ADAMTS2: variants seen among roughly 807,000 people sequenced by gnomAD.
ADAMTS2 encodes ADAM metallopeptidase with thrombospondin type 1 motif 2.
A neutral mutation model predicts 123.0 loss-of-function variants in ADAMTS2; 50 were observed. That is an observed-to-expected ratio of 0.41 (90% CI 0.32 to 0.51). ADAMTS2 has a LOEUF of 0.51. Ranked by LOEUF, ADAMTS2 falls within the 20% of genes least tolerant of loss-of-function variation. The pLI, the probability that ADAMTS2 is intolerant of heterozygous loss-of-function variation, is 0.35. For synonymous variants in ADAMTS2, 678 were observed against 695.4 expected, an observed-to-expected ratio of 0.98 and a Z score of 0.39; for missense variants, 1,494 against 1,705.2, an observed-to-expected ratio of 0.88 and a Z score of 2.18.
chr5:179,210,537 C>T (rs918638239), intron 3 of ADAMTS2, among the ~76,000 whole-genome samples: 1 of 152,254 alleles, frequency 6.6e-6, no homozygotes, highest in African/African-American at 2.4e-5. Context: ...CATCCCTCCA[C>T]CCAGGACCAG....
intron 4 of ADAMTS2, among the ~76,000 whole-genome samples, chr5:179,184,621 C>G (rs189430451): frequency 6.6e-6 from 1 of 152,116 alleles, no homozygotes; most frequent in Non-Finnish European, 1.5e-5. Context: ...AGCACAGCCA[C>G]GGGCCCCTCA....
At chr5:179,287,163 C>G (rs1193846710) in intron 2 of ADAMTS2, among the ~76,000 whole-genome samples, 1 of 152,120 alleles carries the variant, frequency 6.6e-6, no homozygotes, top group Non-Finnish European at 1.5e-5. Context: ...TGGGGAGCCA[C>G]TCTGGACAGG....
At chr5:179,160,365 C>T (rs1204559425) in intron 5 of ADAMTS2, among the ~76,000 whole-genome samples, 2 of 152,138 alleles carry the variant, frequency 1.3e-5, no homozygotes, top group Non-Finnish European at 1.5e-5. Flanking sequence ...GAAGGAGAAT[C>T]GCTTGAACCC....
chr5:179,208,163 G>A (rs1407181044), intron 3 of ADAMTS2, among the ~76,000 whole-genome samples: 13 of 151,238 alleles, frequency 8.6e-5, no homozygotes, highest in East Asian at 3.9e-4. Flanking sequence ...CACACTGCCC[G>A]ATGCTGGAGT....
intron 2 of ADAMTS2, among the ~76,000 whole-genome samples, chr5:179,320,488 T>G (rs1032061701): frequency 2.6e-5 from 4 of 151,696 alleles, no homozygotes; most frequent in Non-Finnish European, 1.5e-5. Flanking sequence ...TTTTTTTTTT[T>G]TTTGTATTTT....
chr5:179,332,687 A>G lies in ADAMTS2; in HGVS notation c.534+11080T>C, dbSNP rs1353831038. Among the ~76,000 whole-genome samples the G allele has an allele frequency of 8.3e-6, 1 of 120,350 alleles. No individual in the cohort carries two copies. The highest frequency in any genetic ancestry group is 9.8e-5 in the Admixed American group (1 of 10,190). 79.0% of individuals were successfully genotyped at this position (120,350 alleles called of 152,430 possible). Reference sequence around the variant, plus strand: ...TGGCCAGTGGCCAGCCATCGTGCAGAGAGGGGAGGGCAGAGGGGAGGGAGG... The same window carrying G: ...TGGCCAGTGGCCAGCCATCGTGCAGGGAGGGGAGGGCAGAGGGGAGGGAGG... On this transcript the variant is annotated intron_variant, in intron 2 of 21. Coordinates refer to ENST00000251582, the MANE Select transcript of ADAMTS2 (RefSeq NM_014244.5). This position sits in a 1 kb window ranked among gnomAD's most constrained non-coding sequence, Gnocchi z 4.2.
At chr5:179,295,947 C>A (rs1756318317) in intron 2 of ADAMTS2, among the ~76,000 whole-genome samples, 1 of 152,224 alleles carries the variant, frequency 6.6e-6, no homozygotes, top group African/African-American at 2.4e-5. Flanking sequence ...AGGGAAGGCT[C>A]CTCCAACCCA....
At chr5:179,268,107 T>C (rs1766423221) in intron 3 of ADAMTS2, among the ~76,000 whole-genome samples, 1 of 151,900 alleles carries the variant, frequency 6.6e-6, no homozygotes, top group Admixed American at 6.6e-5. Context: ...AAGTCTGATG[T>C]CTGGATTTTC....
rs201309115 is a variant in ADAMTS2 at position 179,275,729 on chromosome 5, C to T, written c.535-2665G>A. Among the ~76,000 whole-genome samples the T allele has an allele frequency of 2.1e-4, 32 of 152,340 alleles. No homozygotes were observed. In the East Asian group the frequency reaches 4.5e-3, roughly 21 times the overall value. On this transcript the variant is annotated intron_variant, in intron 2 of 21. Transcript: ENST00000251582. ...CCTCCCCCAGAGTCTCCAGAGGGAGCGCAGCCCTGCCGATGCCTGGATTTG... is the reference window on the plus strand; with the variant it reads ...CCTCCCCCAGAGTCTCCAGAGGGAGTGCAGCCCTGCCGATGCCTGGATTTG...
intron 2 of ADAMTS2, among the ~76,000 whole-genome samples, chr5:179,319,357 A>G (rs986665623): frequency 2.6e-5 from 4 of 152,180 alleles, no homozygotes; most frequent in Admixed American, 1.3e-4. Context: ...CATCGGTCAT[A>G]CATGTGTATC....
At chr5:179,121,395 C>T (rs1762758776) in intron 21 of ADAMTS2, 1 of 292,296 alleles carries the variant, frequency 3.4e-6, no homozygotes, top group East Asian at 5.4e-5. Context: ...CCGGCCCCTC[C>T]TGCAACCACG....
Position 179,155,959 on chromosome 5 carries a change from T to G in ADAMTS2, c.1133-1040A>C, listed in dbSNP as rs948114886. Among the ~76,000 whole-genome samples the G allele has an allele frequency of 6.6e-5, 10 of 152,302 alleles. No individual in the cohort carries two copies. The highest frequency in any genetic ancestry group is 6.5e-4 in the Admixed American group (10 of 15,300). On this transcript the variant is annotated intron_variant, in intron 6 of 21. Coordinates refer to ENST00000251582, the MANE Select transcript of ADAMTS2 (RefSeq NM_014244.5). This position sits in a 1 kb window ranked among gnomAD's most constrained non-coding sequence, Gnocchi z 5.1. ...GCCTAAAAATAGAAGCATCGTGATCTAACCCTTGTCTTTTCCCGTTGTAAT... is the reference window on the plus strand; with the variant it reads ...GCCTAAAAATAGAAGCATCGTGATCGAACCCTTGTCTTTTCCCGTTGTAAT...
chr5:179,153,830 C>T (rs914704605), intron 8 of ADAMTS2, among the ~76,000 whole-genome samples: 4 of 152,190 alleles, frequency 2.6e-5, no homozygotes, highest in Admixed American at 6.5e-5. Flanking sequence ...CCAGGGTAGC[C>T]GCCGTGCCCA....
intron 3 of ADAMTS2, among the ~76,000 whole-genome samples, chr5:179,217,803 ATGGGC>A (rs1765023608): frequency 1.6e-5 from 1 of 61,304 alleles, no homozygotes; most frequent in African/African-American, 6.3e-5. Context: ...CAAGGGGGGG[ATGGGC>A]ACACTCACTA....
intron 3 of ADAMTS2, among the ~76,000 whole-genome samples, chr5:179,269,345 A>C (rs1217500727): frequency 6.6e-6 from 1 of 152,136 alleles, no homozygotes; most frequent in Admixed American, 6.5e-5. Flanking sequence ...CATACCCGAG[A>C]CTGGGCAACT....
chr5:179,301,365 G>T (rs995693648), intron 2 of ADAMTS2, among the ~76,000 whole-genome samples: 1 of 152,206 alleles, frequency 6.6e-6, no homozygotes, highest in Admixed American at 6.5e-5. Context: ...CTACTTTACA[G>T]AGTTGTCAAG....
In ADAMTS2 at chr5:179,190,759, G is replaced by T. The variant is rs566391921; in HGVS notation, c.892-9604C>A. Among the ~76,000 whole-genome samples, 11 of 152,316 alleles carry T rather than the reference G, an allele frequency of 7.2e-5. No homozygotes were observed. The East Asian group carries it at 2.1e-3, about 29-fold the overall frequency. ...TGAAACTGTCATCAAATTACAGGAG[G>T]GTCCAACAGCCCAAGCTGTTTCCCT... On this transcript the variant is annotated intron_variant, in intron 4 of 21. Transcript: ENST00000251582.
chr5:179,338,032 C>T (rs570559856), intron 2 of ADAMTS2, among the ~76,000 whole-genome samples: 5 of 152,352 alleles, frequency 3.3e-5, no homozygotes, highest in South Asian at 4.1e-4. Context: ...GAAGCCACGG[C>T]GAGCCATTGG....
chr5:179,137,048 C>G (rs1217515248), intron 12 of ADAMTS2, among the ~76,000 whole-genome samples: 2 of 152,188 alleles, frequency 1.3e-5, no homozygotes, highest in African/African-American at 4.8e-5. Context: ...GATTCAGACT[C>G]AGGTCCCTGG....
Sources: allele counts gnomAD v4.1 joint callset (sites outside exome capture counted in the v4.1 genomes callset), GRCh38; gene constraint gnomAD v4.1.1; non-coding constraint Gnocchi (gnomAD v3.1); transcripts MANE v1.5; gene names NCBI Gene and HGNC (gene_info 2026-07-23, HGNC 2026-07-21).